The following GAB1 variants were observed in gnomAD, a reference collection of about 807,000 sequenced individuals.
GAB1 encodes the protein GRB2 associated binding protein 1.
GAB1 carries 19 observed loss-of-function variants against 66.5 expected under a neutral mutation model. The observed-to-expected ratio is 0.29, with a 90% CI of 0.20 to 0.42. The LOEUF (loss-of-function observed/expected upper bound fraction) is 0.42. Among genes scored for constraint, GAB1 ranks in the 10% least tolerant of loss-of-function variants. GAB1 has a pLI of 1.00. For missense variants in GAB1, 732 were observed against 858.5 expected (o/e 0.85, Z 1.84); for synonymous variants, 294 against 301.4 (o/e 0.98, Z 0.25).
chr4:143,426,094 AG>A, intron 2 of GAB1: 1 of 511,682 alleles, frequency 2.0e-6, no homozygotes, highest in Admixed American at 3.5e-5. Context: ...AGTATAGTAA[AG>A]ATAAAAAGTT....
At chr4:143,374,422 G>T (rs1259965267) in intron 1 of GAB1, among the ~76,000 whole-genome samples, 1 of 152,266 alleles carries the variant, frequency 6.6e-6, no homozygotes, top group South Asian at 2.1e-4. Context: ...CAGAGAAAAG[G>T]CTAAATCCCA....
chr4:143,349,158 G>GT (rs1468385103), intron 1 of GAB1: 1 of 433,604 alleles, frequency 2.3e-6, no homozygotes, highest in Non-Finnish European at 4.0e-6. Flanking sequence ...GCCTTCATAG[G>GT]TCCCCCCCTT....
chr4:143,432,906 T>C (rs963832388), intron 2 of GAB1, among the ~76,000 whole-genome samples: 1 of 152,220 alleles, frequency 6.6e-6, no homozygotes, highest in African/African-American at 2.4e-5. Flanking sequence ...AATAAAGTTA[T>C]GAGCTGAGGG....
intron 1 of GAB1, among the ~76,000 whole-genome samples, chr4:143,353,000 G>A (rs1217826954): frequency 1.3e-5 from 2 of 152,112 alleles, no homozygotes; most frequent in East Asian, 1.9e-4. Flanking sequence ...CCTAACTGTC[G>A]CCAAGAAACT....
intron 2 of GAB1, among the ~76,000 whole-genome samples, chr4:143,432,931 TA>T (rs1468566693): frequency 6.6e-6 from 1 of 152,222 alleles, no homozygotes; most frequent in Non-Finnish European, 1.5e-5. Context: ...GGTGATGCCT[TA>T]AAGAAGCTGT....
At chr4:143,422,158 C>T (rs1733065806) in intron 2 of GAB1, among the ~76,000 whole-genome samples, 1 of 152,136 alleles carries the variant, frequency 6.6e-6, no homozygotes, top group Non-Finnish European at 1.5e-5. Flanking sequence ...AATGATAATG[C>T]ATACTCTTTG....
chr4:143,460,280 A>G, intron 7 of GAB1, 84 bp from the exon 8 acceptor site: 2 of 1,277,302 alleles, frequency 1.6e-6, no homozygotes, highest in Non-Finnish European at 2.3e-6. Context: ...GAAAGAATGC[A>G]GACTGTCTCT....
At position 143,442,319 on chromosome 4, in the gene GAB1, G is replaced by C. The variant is rs539423141; in HGVS notation, c.1585+1937G>C. Among the ~76,000 whole-genome samples the C allele has an allele frequency of 2.9e-4, 44 of 152,182 alleles. No individual in the cohort carries two copies. The South Asian group carries it at 4.1e-3, about 14-fold the overall frequency. On this transcript the variant is annotated intron_variant, in intron 6 of 9. Transcript: ENST00000262994. Reference sequence around the variant, plus strand: ...TAACAGTTTTATATTTTGAGGTCTCGCATAAATGTGGAGGGAGTAAGATTT... The same window carrying C: ...TAACAGTTTTATATTTTGAGGTCTCCCATAAATGTGGAGGGAGTAAGATTT...
At chr4:143,340,891 A>G (rs1035404174) in intron 1 of GAB1, among the ~76,000 whole-genome samples, 2 of 152,120 alleles carry the variant, frequency 1.3e-5, no homozygotes, top group African/African-American at 4.8e-5. Context: ...TTACTGTTTC[A>G]TAGTCAACTC....
chr4:143,423,701 C>T (rs375388461), intron 2 of GAB1, among the ~76,000 whole-genome samples: 9 of 147,696 alleles, frequency 6.1e-5, no homozygotes, highest in East Asian at 4.0e-4. Context: ...GGCGTGAACC[C>T]GGGAGGCGGA....
rs1336488385 is a variant in GAB1 at position 143,470,395 on chromosome 4, A to T, written c.*1206A>T. On this transcript the variant is annotated 3_prime_UTR_variant, in exon 10 of 10. Coordinates refer to ENST00000262994, the MANE Select transcript of GAB1 (RefSeq NM_002039.4). ...TTACGGATTTTGTACTGTGATTTATATTCACTGCCCCAATTCAAGAAATAT... is the reference window on the plus strand; with the variant it reads ...TTACGGATTTTGTACTGTGATTTATTTTCACTGCCCCAATTCAAGAAATAT... The T allele has an allele frequency of 6.6e-6, 1 of 152,108 alleles. No homozygotes were observed. The highest frequency in any genetic ancestry group is 1.5e-5 in the Non-Finnish European group (1 of 68,016). The allele number at this position is 152,108 out of a possible 1,614,324, so 9.4% of individuals were successfully genotyped here.
intron 2 of GAB1, among the ~76,000 whole-genome samples, chr4:143,423,464 G>T (rs1287788421): frequency 2.0e-5 from 3 of 152,128 alleles, no homozygotes; most frequent in Admixed American, 2.0e-4. Context: ...TTGGGAGGCT[G>T]AGGCATGTGG....
At chr4:143,432,057 C>T (rs895201692) in intron 2 of GAB1, among the ~76,000 whole-genome samples, 3 of 152,156 alleles carry the variant, frequency 2.0e-5, no homozygotes, top group African/African-American at 7.2e-5. Flanking sequence ...GAAAAAGATG[C>T]CTGGGGAAGA....
chr4:143,417,787 G>A (rs1488188445), intron 2 of GAB1, among the ~76,000 whole-genome samples: 1 of 152,106 alleles, frequency 6.6e-6, no homozygotes, highest in Non-Finnish European at 1.5e-5. Context: ...ATGTAGGTAG[G>A]GGACTCCAGT....
In GAB1 at chr4:143,413,132, A is replaced by G. The variant is rs542873453; in HGVS notation, c.73-2345A>G. ...TTTCTGTATTTAAAGATGAAGCTTC[A>G]CTATCTGGAGAAATCACTTACTGAA... On this transcript the variant is annotated intron_variant, in intron 1 of 9. Transcript: ENST00000262994. Among the ~76,000 whole-genome samples the G allele has an allele frequency of 1.3e-3, 201 of 152,334 alleles. 1 individual carries two copies. The highest frequency in any genetic ancestry group is 3.5e-3 in the African/African-American group (144 of 41,582).
At chr4:143,340,343 T>C (rs1728786565) in intron 1 of GAB1, among the ~76,000 whole-genome samples, 1 of 152,160 alleles carries the variant, frequency 6.6e-6, no homozygotes, top group Non-Finnish European at 1.5e-5. Context: ...ACTATAATTA[T>C]TAAATGAGAC....
chr4:143,359,038 C>T (rs947466022), intron 1 of GAB1, among the ~76,000 whole-genome samples: 10 of 152,198 alleles, frequency 6.6e-5, no homozygotes, highest in South Asian at 4.1e-4. Flanking sequence ...TGGCTTGTCC[C>T]GTTTGGTAGG....
intron 4 of GAB1, chr4:143,439,562 C>A: frequency 2.3e-6 from 1 of 437,028 alleles, no homozygotes. Flanking sequence ...CAGACTTAGA[C>A]ATTCACTCAC....
chr4:143,370,939 A>C (rs1011072496), intron 1 of GAB1, among the ~76,000 whole-genome samples: 2 of 152,154 alleles, frequency 1.3e-5, no homozygotes, highest in African/African-American at 4.8e-5. Context: ...TTCTTAATCT[A>C]GTCTATCATT....
Sources: allele counts gnomAD v4.1 joint callset (sites outside exome capture counted in the v4.1 genomes callset), GRCh38; gene constraint gnomAD v4.1.1; transcripts MANE v1.5; gene names NCBI Gene and HGNC (gene_info 2026-07-23, HGNC 2026-07-21).